The following IMMP2L variants were observed in gnomAD, a reference collection of about 807,000 sequenced individuals.
The protein encoded by IMMP2L is mitochondrial inner membrane protease subunit 2.
In IMMP2L, 18 loss-of-function variants were observed where a neutral mutation model predicts 19.3. The observed-to-expected ratio is 0.93, with a 90% CI of 0.64 to 1.38. The LOEUF (loss-of-function observed/expected upper bound fraction) is 1.38, where lower values mean the gene tolerates loss of function less well. Ranked by LOEUF, IMMP2L falls within the 40% of genes most tolerant of loss-of-function variation. The pLI is 0.00. For synonymous variants in IMMP2L, 76 were observed against 73.0 expected, an observed-to-expected ratio of 1.04 and a Z score of -0.21; for missense variants, 233 against 218.2, an observed-to-expected ratio of 1.07 and a Z score of -0.43.
chr7:111,562,030 C>T lies in IMMP2L; in HGVS notation c.-182G>A, dbSNP rs1792127041. ...ACTTCCAGGCAGAAGGCAGCGCGCC[C>T]CCACAGCGCTCCCTCACGGCCAGAG... On this transcript the variant is annotated 5_prime_UTR_variant, in exon 1 of 6. Coordinates refer to ENST00000405709, the MANE Select transcript of IMMP2L (RefSeq NM_032549.4). 2 of 152,648 alleles carry T rather than the reference C, an allele frequency of 1.3e-5. No homozygotes were observed. The highest frequency in any genetic ancestry group is 4.1e-4 in the South Asian group (2 of 4,832). 9.5% of individuals were successfully genotyped at this position (152,648 alleles called of 1,614,324 possible). A position where few individuals can be genotyped will look rare whatever the true frequency, so the allele number is the denominator to read the frequency against.
chr7:110,895,539 T>A (rs1348398791), intron 4 of IMMP2L, among the ~76,000 whole-genome samples: 1 of 152,134 alleles, frequency 6.6e-6, no homozygotes, highest in Non-Finnish European at 1.5e-5. Context: ...GATTTTAGAA[T>A]CCCCTGTCCA....
chr7:110,845,016 T>C (rs1329016080), intron 5 of IMMP2L, among the ~76,000 whole-genome samples: 1 of 152,100 alleles, frequency 6.6e-6, no homozygotes, highest in Non-Finnish European at 1.5e-5. Context: ...CAAACTCTCA[T>C]CAGCTGGGAA....
At chr7:111,470,928 C>T (rs1235339718) in intron 3 of IMMP2L, among the ~76,000 whole-genome samples, 1 of 151,254 alleles carries the variant, frequency 6.6e-6, no homozygotes, top group Non-Finnish European at 1.5e-5. Flanking sequence ...AAAAAAGGAA[C>T]CAGCAAAGCA....
intron 3 of IMMP2L, among the ~76,000 whole-genome samples, chr7:111,383,679 G>A (rs912351385): frequency 1.3e-5 from 2 of 152,028 alleles, no homozygotes; most frequent in Non-Finnish European, 2.9e-5. Flanking sequence ...GGCAGGAGGG[G>A]TAGGTGGAGG....
At chr7:111,262,907 G>A (rs1817467989) in intron 3 of IMMP2L, among the ~76,000 whole-genome samples, 1 of 152,068 alleles carries the variant, frequency 6.6e-6, no homozygotes, top group Admixed American at 6.6e-5. Flanking sequence ...AATTAATAGA[G>A]TTTGATACTG....
At chr7:111,022,649 C>A (rs552344834) in intron 3 of IMMP2L, among the ~76,000 whole-genome samples, 1 of 152,118 alleles carries the variant, frequency 6.6e-6, no homozygotes, top group Admixed American at 6.6e-5. Context: ...AAACACTGAT[C>A]TACCCTCACA....
intron 5 of IMMP2L, among the ~76,000 whole-genome samples, chr7:110,796,487 A>C (rs544053264): frequency 3.3e-5 from 5 of 152,042 alleles, no homozygotes; most frequent in African/African-American, 1.2e-4. Context: ...TGACTTTTAG[A>C]AAGAGATTTT....
At position 110,757,279 on chromosome 7, in the gene IMMP2L, G is replaced by A. The variant is rs933318618; in HGVS notation, c.409-93558C>T. ...AGGGAACCACATCCAGAAGGGCTTC[G>A]TATTTGGTTTAATACTCACCATCAC... On this transcript the variant is annotated intron_variant, in intron 5 of 5. Coordinates refer to ENST00000405709, the MANE Select transcript of IMMP2L (RefSeq NM_032549.4). The surrounding 1 kb of genome is among the most constrained non-coding windows in gnomAD (Gnocchi z 4.2). 6.6e-6 allele frequency among the ~76,000 whole-genome samples: 1 copy of A among 151,432 alleles called. No homozygotes were observed. Among genetic ancestry groups the A allele is most frequent in the Admixed American group, 6.6e-5 (1 of 15,122 alleles).
intron 5 of IMMP2L, among the ~76,000 whole-genome samples, chr7:110,667,822 G>A (rs1022923162): frequency 1.3e-5 from 2 of 152,150 alleles, no homozygotes. Context: ...GAATTTATTA[G>A]ATCAGCAATA....
chr7:110,813,833 T>G (rs968214128), intron 5 of IMMP2L, among the ~76,000 whole-genome samples: 8 of 151,910 alleles, frequency 5.3e-5, no homozygotes, highest in African/African-American at 1.9e-4. Context: ...TCACCCAATT[T>G]GTAAAGTGCA....
intron 3 of IMMP2L, among the ~76,000 whole-genome samples, chr7:111,400,333 A>T (rs1263314302): frequency 6.6e-6 from 1 of 152,166 alleles, no homozygotes; most frequent in Non-Finnish European, 1.5e-5. Flanking sequence ...AACATTTTAG[A>T]CTGTGGTGAA....
At chr7:111,354,050 A>C (rs1370033131) in intron 3 of IMMP2L, among the ~76,000 whole-genome samples, 1 of 152,088 alleles carries the variant, frequency 6.6e-6, no homozygotes, top group Non-Finnish European at 1.5e-5. Context: ...AAAATCAATA[A>C]AGAGTAGAAC....
chr7:111,016,722 A>T lies in IMMP2L; in HGVS notation c.240-53157T>A, dbSNP rs563966125. ...ATTATATATAATTTTATATATATTT[A>T]TATATAAAATATATATATTATATAT... On this transcript the variant is annotated intron_variant, in intron 3 of 5. Coordinates refer to ENST00000405709, the MANE Select transcript of IMMP2L (RefSeq NM_032549.4). Among the ~76,000 whole-genome samples, 836 of 98,200 alleles carry T rather than the reference A, an allele frequency of 8.5e-3. 12 individuals are homozygous for T. Among genetic ancestry groups the T allele is most frequent in the African/African-American group, 0.034 (796 of 23,256 alleles). 64.4% of individuals were successfully genotyped at this position (98,200 alleles called of 152,430 possible). A position where few individuals can be genotyped will look rare whatever the true frequency, so the allele number is the denominator to read the frequency against.
intron 3 of IMMP2L, among the ~76,000 whole-genome samples, chr7:111,335,244 T>C (rs369001419): frequency 2.0e-5 from 3 of 152,222 alleles, no homozygotes; most frequent in African/African-American, 7.2e-5. Flanking sequence ...TAAAACCATA[T>C]TTGATGAAAT....
At chr7:110,864,574 G>A (rs1003374795) in intron 5 of IMMP2L, among the ~76,000 whole-genome samples, 2 of 151,974 alleles carry the variant, frequency 1.3e-5, no homozygotes, top group African/African-American at 4.8e-5. Flanking sequence ...TTCTGTTGTT[G>A]TTATCAAAAT....
intron 3 of IMMP2L, among the ~76,000 whole-genome samples, chr7:111,100,498 C>T (rs978813044): frequency 6.7e-6 from 1 of 148,708 alleles, no homozygotes; most frequent in Non-Finnish European, 1.5e-5. Flanking sequence ...ATAAGTGCAT[C>T]AAACTTTACA....
rs1251412389 is a variant in IMMP2L, at chr7:111,225,653, T to C, written c.239+261585A>G. 2.2e-5 allele frequency among the ~76,000 whole-genome samples: 3 copies of C among 133,378 alleles called. No homozygotes were observed. The East Asian group carries it at 6.5e-4, about 29-fold the overall frequency. The allele number at this position is 133,378 out of a possible 152,430, so 87.5% of individuals were successfully genotyped here. A position where few individuals can be genotyped will look rare whatever the true frequency, so the allele number is the denominator to read the frequency against. ...ATTATCCATCAAAAGTGCTATAAAATACTCATCCCTTTTCCAGTCAAAATG... is the reference window on the plus strand; with the variant it reads ...ATTATCCATCAAAAGTGCTATAAAACACTCATCCCTTTTCCAGTCAAAATG... On this transcript the variant is annotated intron_variant, in intron 3 of 5. Coordinates refer to ENST00000405709, the MANE Select transcript of IMMP2L (RefSeq NM_032549.4).
intron 3 of IMMP2L, chr7:111,124,147 C>G: frequency 4.3e-6 from 7 of 1,613,926 alleles, no homozygotes; most frequent in Non-Finnish European, 5.9e-6. Context: ...CTGGATAACA[C>G]CTTCTGGTCA....
intron 5 of IMMP2L, among the ~76,000 whole-genome samples, chr7:110,838,928 A>T (rs992467469): frequency 6.6e-6 from 1 of 152,020 alleles, no homozygotes; most frequent in Non-Finnish European, 1.5e-5. Flanking sequence ...ATGTTTTAAG[A>T]TCTAGTGATT....
Sources: gnomAD v4.1 joint callset for allele counts (sites outside exome capture counted in the v4.1 genomes callset) on GRCh38, gnomAD v4.1.1 for gene constraint, Gnocchi (gnomAD v3.1) non-coding constraint, MANE v1.5 for transcripts, NCBI Gene and HGNC (gene_info 2026-07-23, HGNC 2026-07-21) for gene names.